The following GRIA4 variants were observed in gnomAD, a reference collection of about 807,000 sequenced individuals.
GRIA4 encodes the protein glutamate ionotropic receptor AMPA type subunit 4.
A neutral mutation model predicts 104.0 loss-of-function variants in GRIA4; 34 were observed. The ratio of observed to expected loss-of-function variants is 0.33; its 90% CI spans 0.25 to 0.44. The LOEUF (loss-of-function observed/expected upper bound fraction) is 0.44. GRIA4 is among the 20% of genes least tolerant of loss of function. GRIA4 has a pLI of 1.00. For missense variants in GRIA4, 750 were observed against 1,096.5 expected (o/e 0.68, Z 4.46); for synonymous variants, 386 against 381.9 (o/e 1.01, Z -0.13).
intron 4 of GRIA4, among the ~76,000 whole-genome samples, chr11:105,856,619 A>G (rs1945017047): frequency 6.6e-6 from 1 of 152,178 alleles, no homozygotes. Flanking sequence ...CTGACTGTCC[A>G]TAGGTCCAAG....
chr11:105,831,837 C>T (rs538892078), intron 4 of GRIA4, among the ~76,000 whole-genome samples: 4 of 152,120 alleles, frequency 2.6e-5, no homozygotes, highest in East Asian at 3.9e-4. Flanking sequence ...AAGACGCCAT[C>T]GTATGAATGA....
At chr11:105,823,568 TG>T (rs1173628469) in intron 4 of GRIA4, among the ~76,000 whole-genome samples, 3 of 152,060 alleles carry the variant, frequency 2.0e-5, no homozygotes, top group Non-Finnish European at 4.4e-5. Flanking sequence ...CCCAAGATAT[TG>T]TGGTTACTGC....
At chr11:105,839,742 T>G (rs1210786788) in intron 4 of GRIA4, among the ~76,000 whole-genome samples, 5 of 151,934 alleles carry the variant, frequency 3.3e-5, no homozygotes, top group Non-Finnish European at 5.9e-5. Flanking sequence ...GAACCCCAAA[T>G]TACACACCTA....
At chr11:105,745,078 A>C (rs1939561979) in intron 3 of GRIA4, among the ~76,000 whole-genome samples, 1 of 152,170 alleles carries the variant, frequency 6.6e-6, no homozygotes, top group African/African-American at 2.4e-5. Flanking sequence ...AGAAACTCTG[A>C]AGAGAGACTT....
intron 5 of GRIA4, among the ~76,000 whole-genome samples, chr11:105,863,424 T>C (rs956221970): frequency 1.3e-5 from 2 of 151,728 alleles, no homozygotes; most frequent in South Asian, 2.1e-4. Context: ...GAAATATATA[T>C]GTTATTTTGG....
chr11:105,811,324 C>G (rs1943163648), intron 4 of GRIA4, among the ~76,000 whole-genome samples: 1 of 152,170 alleles, frequency 6.6e-6, no homozygotes, highest in Non-Finnish European at 1.5e-5. Flanking sequence ...TGCAACTTAT[C>G]TGGAAGGCAG....
intron 4 of GRIA4, among the ~76,000 whole-genome samples, chr11:105,786,423 T>C (rs1247738385): frequency 6.6e-6 from 1 of 152,222 alleles, no homozygotes; most frequent in Non-Finnish European, 1.5e-5. Flanking sequence ...CATTTAGCTT[T>C]CTTATTCTTG....
intron 5 of GRIA4, among the ~76,000 whole-genome samples, chr11:105,863,646 T>C (rs1033075326): frequency 1.7e-4 from 26 of 152,152 alleles, no homozygotes; most frequent in Non-Finnish European, 3.2e-4. Flanking sequence ...TATTGAGAGT[T>C]TGAGTTGTTT....
chr11:105,631,592 T>A lies in GRIA4; in HGVS notation c.247+19158T>A, dbSNP rs1420792835. The stretch of plus-strand genomic sequence containing the variant: ...TGTTTGCTACCAAGTTATTTGCCCC[T>A]GTTAATATGCAGCTTCTTTAGTGTT... On this transcript the variant is annotated intron_variant, in intron 3 of 16. Coordinates refer to ENST00000282499, the MANE Select transcript of GRIA4 (RefSeq NM_000829.4). Among the ~76,000 whole-genome samples, 3 of 152,216 alleles carry A rather than the reference T, an allele frequency of 2.0e-5. No homozygotes were observed. The East Asian group carries it at 5.8e-4, about 29-fold the overall frequency.
At chr11:105,612,550 C>A in intron 3 of GRIA4, 116 bp downstream of exon 3, 1 of 779,730 alleles carries the variant, frequency 1.3e-6, no homozygotes, top group South Asian at 2.1e-5. Context: ...CCACAGTTGC[C>A]TGGTTTCAGG....
intron 3 of GRIA4, among the ~76,000 whole-genome samples, chr11:105,615,750 T>C (rs1253488542): frequency 6.6e-6 from 1 of 151,808 alleles, no homozygotes; most frequent in Non-Finnish European, 1.5e-5. Context: ...TCACAAAACA[T>C]TTGAGATAAC....
intron 14 of GRIA4, chr11:105,965,822 C>T (rs1305585386): frequency 1.4e-6 from 1 of 721,860 alleles, no homozygotes; most frequent in Non-Finnish European, 2.4e-6. Flanking sequence ...GAAGGGGCTG[C>T]AGGATGGTAA....
At chr11:105,743,262 C>A (rs569519242) in intron 3 of GRIA4, among the ~76,000 whole-genome samples, 1 of 152,148 alleles carries the variant, frequency 6.6e-6, no homozygotes, top group East Asian at 1.9e-4. Flanking sequence ...CATATGCTTA[C>A]ACTACTTTAA....
Position 105,974,306 on chromosome 11 carries a change from C to A in GRIA4, c.2410-4C>A. 6.2e-7 allele frequency: 1 copy of A among 1,613,506 alleles called. No individual in the cohort carries two copies. The highest frequency in any genetic ancestry group is 8.5e-7 in the Non-Finnish European group (1 of 1,179,540). On this transcript the variant is annotated splice_region_variant and splice_polypyrimidine_tract_variant and intron_variant, in intron 15 of 16. Transcript: ENST00000282499. ...GTTAACTGAAGTGTCTTTATCCCCC[C>A]TAGGACAAGACGAGTGCCTTGAGCC...
At chr11:105,801,796 C>T (rs539074137) in intron 4 of GRIA4, among the ~76,000 whole-genome samples, 56 of 152,108 alleles carry the variant, frequency 3.7e-4, no homozygotes, top group African/African-American at 1.3e-3. Flanking sequence ...AATTGAGTTC[C>T]TTGGTAGATA....
At chr11:105,868,772 A>G (rs1696674811) in intron 5 of GRIA4, among the ~76,000 whole-genome samples, 1 of 152,180 alleles carries the variant, frequency 6.6e-6, no homozygotes. Flanking sequence ...CAAAGCAGTC[A>G]TATCAGCAAT....
At chr11:105,946,024 A>G (rs1302984330) in intron 14 of GRIA4, among the ~76,000 whole-genome samples, 1 of 152,188 alleles carries the variant, frequency 6.6e-6, no homozygotes, top group African/African-American at 2.4e-5. Flanking sequence ...TTGAAGCTAT[A>G]CAAACTTAGT....
At chr11:105,916,178 G>C (rs1208273695) in intron 10 of GRIA4, among the ~76,000 whole-genome samples, 1 of 152,126 alleles carries the variant, frequency 6.6e-6, no homozygotes, top group Non-Finnish European at 1.5e-5. Flanking sequence ...AGCACAGCTA[G>C]ACTGTCTCTC....
chr11:105,953,099 A>G (rs1371826244), intron 14 of GRIA4, among the ~76,000 whole-genome samples: 2 of 152,230 alleles, frequency 1.3e-5, no homozygotes, highest in African/African-American at 4.8e-5. Flanking sequence ...TACAAGTTAA[A>G]TTGAAAACTT....
Sources: gnomAD v4.1 joint callset for allele counts (sites outside exome capture counted in the v4.1 genomes callset) on GRCh38, gnomAD v4.1.1 for gene constraint, MANE v1.5 for transcripts, NCBI Gene and HGNC (gene_info 2026-07-23, HGNC 2026-07-21) for gene names.